TBC1D8B: variants seen among roughly 807,000 people sequenced by gnomAD.
TBC1D8B encodes the protein RP11-321G1.1.
TBC1D8B carries 75 observed loss-of-function variants against 82.9 expected under a neutral mutation model. The observed-to-expected ratio is 0.90, with a 90% CI of 0.75 to 1.10. The LOEUF (loss-of-function observed/expected upper bound fraction) is 1.10, where lower values mean the gene tolerates loss of function less well. TBC1D8B is among the 50% of genes least tolerant of loss of function. The pLI, the probability that TBC1D8B is intolerant of heterozygous loss-of-function variation, is 0.00. For missense variants in TBC1D8B, 794 were observed against 796.9 expected (o/e 1.00, Z 0.04); for synonymous variants, 276 against 276.8 (o/e 1.00, Z 0.03).
chrX:106,874,075 GGCCAAAATATATATCCAGAA>G lies in TBC1D8B; in HGVS notation c.*113_*132del, dbSNP rs1178652475. The G allele has an allele frequency of 1.7e-5, 13 of 784,767 alleles. No individual in the cohort carries two copies. In the Admixed American group the frequency reaches 4.5e-4, roughly 27 times the overall value. The allele number at this position is 784,767 out of a possible 1,213,427, so 64.7% of individuals were successfully genotyped here. ...TTATCTTGTTACCAATGTGTCTGAA[GGCCAAAATATATATCCAGAA>G]GCACAATGCATCATTCCTTTGTTGT... is the stretch of plus-strand genomic sequence containing the variant. On this transcript the variant is annotated 3_prime_UTR_variant, in exon 21 of 21. Coordinates refer to ENST00000357242, the MANE Select transcript of TBC1D8B (RefSeq NM_017752.3).
At chrX:106,829,780 T>C (rs1403827893) in intron 7 of TBC1D8B, 2 of 111,375 alleles carry the variant, frequency 1.8e-5, no homozygotes, top group Non-Finnish European at 3.8e-5. Context: ...TTACACCTTA[T>C]ACAAAAATCA....
intron 14 of TBC1D8B, among the ~76,000 whole-genome samples, chrX:106,861,225 A>G (rs183510948): frequency 2.7e-5 from 3 of 111,412 alleles, no homozygotes; most frequent in South Asian, 7.5e-4. Context: ...AGTTCTGTAG[A>G]TATCTGTTAG....
intron 12 of TBC1D8B, 32 bp from the exon 13 acceptor site, chrX:106,853,489 C>T (rs1410880533): frequency 8.5e-7 from 1 of 1,182,898 alleles, no homozygotes; most frequent in African/African-American, 1.8e-5. Context: ...GGTAGTTCCA[C>T]TAATTCTTGT....
chrX:106,815,630 C>T (rs1931520907), intron 1 of TBC1D8B: 2 of 109,976 alleles, frequency 1.8e-5, no homozygotes, highest in Non-Finnish European at 3.8e-5. Flanking sequence ...CTATAAATTA[C>T]CTTGGGCAGT....
chrX:106,838,687 C>G lies in TBC1D8B; in HGVS notation c.1204-621C>G, dbSNP rs1284424571. Among the ~76,000 whole-genome samples the G allele has an allele frequency of 7.1e-5, 8 of 111,895 alleles. No individual in the cohort carries two copies. The Admixed American group carries it at 7.6e-4, about 11-fold the overall frequency. ...TTGTTTGCTCTAGCTGAAATCATAG[C>G]CTTGGACAGCTGGGTTGTTACCAAC... On this transcript the variant is annotated intron_variant, in intron 7 of 20. Coordinates refer to ENST00000357242, the MANE Select transcript of TBC1D8B (RefSeq NM_017752.3).
chrX:106,869,453 C>T (rs1425887991), intron 18 of TBC1D8B, 32 bp from the exon 19 acceptor site: 1 of 1,176,435 alleles, frequency 8.5e-7, no homozygotes, highest in Non-Finnish European at 1.2e-6. Flanking sequence ...TGTTAAACAT[C>T]TTACAGAATG....
chrX:106,855,383 A>T (rs1201704137), intron 14 of TBC1D8B, among the ~76,000 whole-genome samples: 1 of 112,511 alleles, frequency 8.9e-6, no homozygotes, highest in Non-Finnish European at 1.9e-5. Flanking sequence ...CCCCAGAAGT[A>T]ACCATCTTAA....
chrX:106,816,426 T>G (rs36041530), intron 1 of TBC1D8B, among the ~76,000 whole-genome samples: 169 of 111,485 alleles, frequency 1.5e-3, no homozygotes, highest in Non-Finnish European at 2.8e-3. Context: ...CAATTTCTCA[T>G]AGTCACTATT....
At chrX:106,854,317 G>T (rs961172141) in intron 14 of TBC1D8B, 21 bp downstream of exon 14, 2 of 1,049,443 alleles carry the variant, frequency 1.9e-6, no homozygotes, top group Middle Eastern at 2.6e-4. Flanking sequence ...AACCAATGAG[G>T]AAAAACCAGT....
At position 106,876,101 on chromosome X, in the gene TBC1D8B, T is replaced by C. The variant is rs1344419336; in HGVS notation, c.*2136T>C. 1.8e-5 allele frequency: 2 copies of C among 111,761 alleles called. No homozygotes were observed. Among genetic ancestry groups the C allele is most frequent in the Admixed American group, 1.9e-4 (2 of 10,476 alleles). 9.2% of individuals were successfully genotyped at this position (111,761 alleles called of 1,213,427 possible). ...GCATTAAATTAAATATGTTATAAGG[T>C]GGCTTTACTTGTCTTTATAAAAATA... On this transcript the variant is annotated 3_prime_UTR_variant, in exon 21 of 21. Coordinates refer to ENST00000357242, the MANE Select transcript of TBC1D8B (RefSeq NM_017752.3).
chrX:106,811,526 C>G (rs1159816109), intron 1 of TBC1D8B, among the ~76,000 whole-genome samples: 2 of 111,134 alleles, frequency 1.8e-5, no homozygotes, highest in African/African-American at 6.6e-5. Context: ...GAGACCTTGT[C>G]TCAAAATAAA....
chrX:106,850,256 T>G lies in TBC1D8B; in HGVS notation c.2069T>G (p.Leu690Ter), dbSNP rs1569454403. 1.7e-6 allele frequency: 2 copies of G among 1,209,450 alleles called. No individual in the cohort carries two copies. Among genetic ancestry groups the G allele is most frequent in the Non-Finnish European group, 2.2e-6 (2 of 895,041 alleles). Reference protein sequence around the residue: ...QLGLAILDYNLDKLLTCKDDA... With the variant: ...QLGLAILDYN ...GGATTGGCAATACTTGACTATAATT[T>G]AGACAAACTGCTGACTTGTAAAGAT... The change falls in exon 12 of 21, where the codon TTA (leucine) becomes TGA (stop). Residue 690 changes from leucine to a stop codon, truncating the protein, a stop_gained. Transcript: ENST00000357242. LOFTEE classifies it high-confidence loss of function.
At chrX:106,818,386 C>T (rs962436825) in intron 1 of TBC1D8B, 13 of 212,074 alleles carry the variant, frequency 6.1e-5, no homozygotes, top group Non-Finnish European at 1.1e-4. Context: ...ACCTTATGAA[C>T]GAGATACATA....
At position 106,826,257 on chromosome X, in the gene TBC1D8B, A is replaced by G. The variant is rs372889234; in HGVS notation, c.1035+20A>G. 33 of 1,176,022 alleles carry G rather than the reference A, an allele frequency of 2.8e-5. No homozygotes were observed. Among genetic ancestry groups the G allele is most frequent in the Non-Finnish European group, 3.8e-5 (33 of 868,635 alleles). ...CGAGAGGTAATGTAAATTTGGTTAC[A>G]TATCAGTTTTTAGTTTGAAAATGTT... On this transcript the variant is annotated intron_variant, in intron 6 of 20. Transcript: ENST00000357242.
In TBC1D8B at chrX:106,839,431, A is replaced by G; in HGVS notation, c.1327A>G (p.Asn443Asp). ...EALMTVFHPQ[N>D]LETLNSKMLK... The stretch of plus-strand genomic sequence containing the variant: ...CTTAATGACAGTATTTCACCCTCAG[A>G]ATTTGGAGACTCTTAATTCTAAAAT... The change falls in exon 8 of 21, where the codon AAT becomes GAT. Residue 443 changes from asparagine (N) to aspartate (D), a missense_variant. Coordinates refer to ENST00000357242, the MANE Select transcript of TBC1D8B (RefSeq NM_017752.3). 1 of 1,160,722 alleles carries G rather than the reference A, an allele frequency of 8.6e-7. No individual in the cohort carries two copies. Among genetic ancestry groups the G allele is most frequent in the Non-Finnish European group, 1.2e-6 (1 of 868,523 alleles).
chrX:106,822,901 G>A (rs1372340795), intron 4 of TBC1D8B, among the ~76,000 whole-genome samples: 1 of 109,980 alleles, frequency 9.1e-6, no homozygotes, highest in Non-Finnish European at 1.9e-5. Flanking sequence ...AGCTACTTGG[G>A]GGGACTACTT....
chrX:106,833,567 G>A (rs766664211), intron 7 of TBC1D8B, among the ~76,000 whole-genome samples: 1 of 111,778 alleles, frequency 8.9e-6, no homozygotes, highest in South Asian at 3.7e-4. Context: ...TACCATCTTT[G>A]AAGGTAAATG....
In TBC1D8B at chrX:106,840,745, T is replaced by C. The variant is rs1193522106; in HGVS notation, c.1580T>C (p.Leu527Ser). 2 of 1,211,449 alleles carry C rather than the reference T, an allele frequency of 1.7e-6. No individual in the cohort carries two copies. The highest frequency in any genetic ancestry group is 3.5e-5 in the South Asian group (2 of 56,981). Residue 527 changes from leucine to serine, a missense_variant, in exon 10 of 21, where the codon TTG becomes TCG. Transcript: ENST00000357242. ...VVEQSLGTCNLATEEIERDLR... is the reference protein window; with the variant it reads ...VVEQSLGTCNSATEEIERDLR... ...GAGCAGTCCTTAGGGACCTGCAACT[T>C]GGCTACTGAAGAAATTGAACGTGAT...
At chrX:106,862,788 T>TG (rs1404413778) in intron 14 of TBC1D8B, among the ~76,000 whole-genome samples, 21 of 95,683 alleles carry the variant, frequency 2.2e-4, no homozygotes, top group African/African-American at 5.0e-4. Flanking sequence ...TTTTTTTTTT[T>TG]TTTTTTTTTT....
Sources: gnomAD v4.1 joint callset for allele counts (sites outside exome capture counted in the v4.1 genomes callset) on GRCh38, gnomAD v4.1.1 for gene constraint, MANE v1.5 for transcripts, NCBI Gene and HGNC (gene_info 2026-07-23, HGNC 2026-07-21) for gene names.